MAPRE1: variants seen among roughly 807,000 people sequenced by gnomAD.
The protein encoded by MAPRE1 is microtubule associated protein RP/EB family member 1, also known as microtubule-associated protein RP/EB family member 1.
A neutral mutation model predicts 32.1 loss-of-function variants in MAPRE1; 5 were observed. That is an observed-to-expected ratio of 0.16 (90% CI 0.08 to 0.33). MAPRE1 has a LOEUF of 0.33. Ranked by LOEUF, MAPRE1 falls within the 10% of genes least tolerant of loss-of-function variation. MAPRE1 has a pLI of 1.00. For synonymous variants in MAPRE1, 122 were observed against 118.9 expected (o/e 1.03, Z -0.17); for missense variants, 209 against 327.2 (o/e 0.64, Z 2.79).
chr20:32,844,439 CTTTTTTTTTTTTTTTTTT>C (rs71190880), intron 5 of MAPRE1, among the ~76,000 whole-genome samples: 2 of 52,050 alleles, frequency 3.8e-5, no homozygotes, highest in Non-Finnish European at 6.7e-5. Context: ...GCTAGCATTC[CTTTTTTTTTTTTTTTTTT>C]TTTTTTTTTT....
intron 2 of MAPRE1, among the ~76,000 whole-genome samples, chr20:32,827,351 T>A (rs1982883275): frequency 6.6e-6 from 1 of 151,874 alleles, no homozygotes; most frequent in African/African-American, 2.4e-5. Context: ...GAGGTTACAG[T>A]GAGCCAAGAT....
intron 5 of MAPRE1, among the ~76,000 whole-genome samples, chr20:32,843,851 T>A (rs892581065): frequency 7.0e-6 from 1 of 141,868 alleles, no homozygotes; most frequent in African/African-American, 3.0e-5. Flanking sequence ...AGCTACAGGT[T>A]TTTTTTTTTT....
intron 1 of MAPRE1, among the ~76,000 whole-genome samples, chr20:32,823,240 G>T (rs1327439438): frequency 6.6e-6 from 1 of 152,308 alleles, no homozygotes; most frequent in East Asian, 1.9e-4. Context: ...TGAGTCAGGA[G>T]GCTTGCAGCA....
At chr20:32,839,646 G>A (rs1047495600) in intron 4 of MAPRE1, 89 bp from the exon 5 acceptor site, 1 of 1,557,454 alleles carries the variant, frequency 6.4e-7, no homozygotes. Flanking sequence ...CAAGGCAGAT[G>A]GTCACAGCTT....
intron 4 of MAPRE1, 152 bp downstream of exon 4, chr20:32,836,993 C>A: frequency 1.4e-6 from 1 of 722,068 alleles, no homozygotes; most frequent in Non-Finnish European, 2.3e-6. Context: ...TGGCATCAGG[C>A]AGATAACGGT....
intron 2 of MAPRE1, among the ~76,000 whole-genome samples, chr20:32,829,949 T>A (rs1268881156): frequency 6.6e-6 from 1 of 151,986 alleles, no homozygotes; most frequent in Non-Finnish European, 1.5e-5. Flanking sequence ...TCAAAGAGAA[T>A]GATTTTTATG....
chr20:32,824,859 A>G (rs1366667259), intron 1 of MAPRE1, among the ~76,000 whole-genome samples: 1 of 151,964 alleles, frequency 6.6e-6, no homozygotes, highest in African/African-American at 2.4e-5. Context: ...GGAATTAATA[A>G]AAACCCATCG....
intron 4 of MAPRE1, 63 bp from the exon 5 acceptor site, chr20:32,839,672 T>C (rs1983299694): frequency 6.3e-7 from 1 of 1,594,770 alleles, no homozygotes; most frequent in East Asian, 2.3e-5. Context: ...TGTTGTCTTG[T>C]GGATTTTTTG....
chr20:32,844,915 C>T (rs1280133140), intron 5 of MAPRE1, among the ~76,000 whole-genome samples: 1 of 152,120 alleles, frequency 6.6e-6, no homozygotes, highest in Non-Finnish European at 1.5e-5. Context: ...CAGCAAACTG[C>T]AGCAAAAGCA....
chr20:32,824,288 C>T (rs1982782265), intron 1 of MAPRE1, among the ~76,000 whole-genome samples: 1 of 152,226 alleles, frequency 6.6e-6, no homozygotes. Context: ...CACTGGTGCT[C>T]ATAGACAATA....
intron 2 of MAPRE1, among the ~76,000 whole-genome samples, chr20:32,832,989 C>G (rs1983082069): frequency 6.6e-6 from 1 of 151,402 alleles, no homozygotes; most frequent in South Asian, 2.1e-4. Flanking sequence ...ACAAAAATGT[C>G]TTCTATTCAA....
At chr20:32,840,207 C>G (rs1163639266) in intron 5 of MAPRE1, among the ~76,000 whole-genome samples, 1 of 152,204 alleles carries the variant, frequency 6.6e-6, no homozygotes, top group Non-Finnish European at 1.5e-5. Context: ...ATTCCGCAGT[C>G]TCTCTGCTGA....
intron 5 of MAPRE1, among the ~76,000 whole-genome samples, chr20:32,841,701 G>A (rs2146136764): frequency 1.3e-5 from 2 of 150,148 alleles, no homozygotes; most frequent in South Asian, 4.2e-4. Flanking sequence ...CTTATCCTGG[G>A]TGATGGAGCC....
chr20:32,848,234 T>A (rs1463836197), intron 6 of MAPRE1, among the ~76,000 whole-genome samples: 1 of 151,378 alleles, frequency 6.6e-6, no homozygotes, highest in Non-Finnish European at 1.5e-5. Flanking sequence ...TTTCGAGACA[T>A]TGTCTCACTG....
intron 1 of MAPRE1, among the ~76,000 whole-genome samples, chr20:32,821,985 A>AC (rs1275549308): frequency 6.6e-6 from 1 of 152,028 alleles, no homozygotes; most frequent in Non-Finnish European, 1.5e-5. Context: ...CTCTGTTTTG[A>AC]TTGTCAGGAG....
intron 3 of MAPRE1, among the ~76,000 whole-genome samples, chr20:32,835,111 G>C (rs1318097102): frequency 1.3e-5 from 2 of 152,128 alleles, no homozygotes; most frequent in Non-Finnish European, 2.9e-5. Flanking sequence ...TGTAGTCCTA[G>C]CTACTCTGGA....
intron 4 of MAPRE1, 60 bp from the exon 5 acceptor site, chr20:32,839,675 A>G (rs895318509): frequency 1.3e-6 from 2 of 1,582,514 alleles, no homozygotes; most frequent in East Asian, 4.6e-5. Flanking sequence ...TGTCTTGTGG[A>G]TTTTTTGTTT....
chr20:32,829,833 T>C (rs1475025671), intron 2 of MAPRE1, among the ~76,000 whole-genome samples: 1 of 152,168 alleles, frequency 6.6e-6, no homozygotes, highest in Non-Finnish European at 1.5e-5. Flanking sequence ...AGTGAAAGAT[T>C]TGGCAGGTTG....
At chr20:32,825,832 C>A in intron 1 of MAPRE1, 93 bp from the exon 2 acceptor site, 3 of 914,364 alleles carry the variant, frequency 3.3e-6, no homozygotes, top group Non-Finnish European at 4.8e-6. Context: ...AGTGTTCCTA[C>A]AGGTTTGCTT....
Sources: allele counts gnomAD v4.1 joint callset (sites outside exome capture counted in the v4.1 genomes callset), GRCh38; gene constraint gnomAD v4.1.1; transcripts MANE v1.5; gene names NCBI Gene and HGNC (gene_info 2026-07-23, HGNC 2026-07-21).